ACIN1: variants seen among roughly 807,000 people sequenced by gnomAD.
ACIN1 encodes the protein apoptotic chromatin condensation inducer in the nucleus.
Under a neutral mutation model 146.6 loss-of-function variants are expected in ACIN1, and 16 were observed. The ratio of observed to expected loss-of-function variants is 0.11; its 90% CI spans 0.07 to 0.17. ACIN1 has a LOEUF of 0.17. Among genes scored for constraint, ACIN1 ranks in the 10% least tolerant of loss-of-function variants. The pLI is 1.00. For synonymous variants in ACIN1, 569 were observed against 582.7 expected (o/e 0.98, Z 0.34); for missense variants, 1,357 against 1,609.3 (o/e 0.84, Z 2.68).
chr14:23,062,676 G>T, intron 14 of ACIN1, 153 bp from the exon 15 acceptor site: 1 of 796,150 alleles, frequency 1.3e-6, no homozygotes, highest in Non-Finnish European at 2.0e-6. Context: ...TGAGAAGAGT[G>T]GTGGTGCTTC....
intron 4 of ACIN1, among the ~76,000 whole-genome samples, chr14:23,085,375 T>C (rs1226634482): frequency 6.6e-6 from 1 of 152,010 alleles, no homozygotes; most frequent in African/African-American, 2.4e-5. Flanking sequence ...CAAAGTCAAA[T>C]AACTGAGTTG....
At position 23,065,979 on chromosome 14, in the gene ACIN1, C is replaced by T; in HGVS notation, c.2295G>A (p.Lys765=). ...ESSLPKSFKR[K]ISVVSATKGV... ...GGCTGGACTTACAGACAACGGAGAT[C>T]TTCCTCTTGAATGATTTGGGCAGCG... The change falls in exon 10 of 19, where the codon AAG becomes AAA. Residue 765 remains lysine (K), a synonymous_variant. Transcript: ENST00000605057. 1 of 1,613,772 alleles carries T rather than the reference C, an allele frequency of 6.2e-7. No individual in the cohort carries two copies. The highest frequency in any genetic ancestry group is 8.5e-7 in the Non-Finnish European group (1 of 1,179,890).
Position 23,059,471 on chromosome 14 carries a change from C to G in ACIN1, c.3529G>C (p.Val1177Leu). Residue 1177 changes from valine (V) to leucine (L), a missense_variant, in exon 19 of 19, where the codon GTT (valine) becomes CTT (leucine). Val to Leu is a conservative substitution (Grantham distance 32). Coordinates refer to ENST00000605057, the MANE Select transcript of ACIN1 (RefSeq NM_001386863.1). Reference sequence around the variant, plus strand: ...TCGGCCCGCTCTGCCTCTTTCTGAACGATCTGTAGCCAGGTAGGAAAGGCA... The same window carrying G: ...TCGGCCCGCTCTGCCTCTTTCTGAAGGATCTGTAGCCAGGTAGGAAAGGCA... ...YWLPLTDSQIVQKEAERAERA... is the reference protein window; with the variant it reads ...YWLPLTDSQILQKEAERAERA... The G allele has an allele frequency of 6.2e-7, 1 of 1,613,356 alleles. No individual in the cohort carries two copies. Among genetic ancestry groups the G allele is most frequent in the Non-Finnish European group, 8.5e-7 (1 of 1,179,750 alleles).
intron 6 of ACIN1, among the ~76,000 whole-genome samples, chr14:23,079,283 C>T (rs934274137): frequency 6.6e-6 from 1 of 152,180 alleles, no homozygotes; most frequent in Non-Finnish European, 1.5e-5. Context: ...ATGCCCACAT[C>T]CTCAAGAAGT....
intron 8 of ACIN1, among the ~76,000 whole-genome samples, chr14:23,074,334 G>A (rs1354876183): frequency 6.6e-6 from 1 of 151,898 alleles, no homozygotes; most frequent in Non-Finnish European, 1.5e-5. Flanking sequence ...GGGAGGCTGA[G>A]ACAGGAGGAC....
In ACIN1 at chr14:23,067,729, T is replaced by G; in HGVS notation, c.2266-1721A>C. 2.0e-6 allele frequency: 2 copies of G among 985,836 alleles called. No individual in the cohort carries two copies. Among genetic ancestry groups the G allele is most frequent in the Non-Finnish European group, 2.4e-6 (2 of 830,010 alleles). The allele number at this position is 985,836 out of a possible 1,614,324, so 61.1% of individuals were successfully genotyped here. A position where few individuals can be genotyped will look rare whatever the true frequency, so the allele number is the denominator to read the frequency against. The stretch of plus-strand genomic sequence containing the variant: ...GCAGGCAGGACCCTATGTCCACCAG[T>G]GGCAAGCTGCAGCAATAACACCACC... On this transcript the variant is annotated intron_variant, in intron 9 of 18. Coordinates refer to ENST00000605057, the MANE Select transcript of ACIN1 (RefSeq NM_001386863.1). This position sits in a 1 kb window ranked among gnomAD's most constrained non-coding sequence, Gnocchi z 4.6.
Position 23,059,099 on chromosome 14 carries a change from A to AC in ACIN1, c.*48dup, listed in dbSNP as rs2047183731. On this transcript the variant is annotated 3_prime_UTR_variant, in exon 19 of 19. Coordinates refer to ENST00000605057, the MANE Select transcript of ACIN1 (RefSeq NM_001386863.1). ...CTGTGCCTATCCCTCTGTGGCCATA[A>AC]CCCCCTGGGGCCGAGTGGCTGGTAC... is the stretch of plus-strand genomic sequence containing the variant. 1.3e-6 allele frequency: 2 copies of AC among 1,579,754 alleles called. No homozygotes were observed. The highest frequency in any genetic ancestry group is 1.7e-6 in the Non-Finnish European group (2 of 1,157,710).
In ACIN1 at chr14:23,067,511, G is replaced by GGGGGGGGGC; in HGVS notation, c.2266-1504_2266-1503insGCCCCCCCC. 4 of 221,684 alleles carry GGGGGGGGGC rather than the reference G, an allele frequency of 1.8e-5. No individual in the cohort carries two copies. The highest frequency in any genetic ancestry group is 2.9e-5 in the Non-Finnish European group (4 of 137,218). 13.7% of individuals were successfully genotyped at this position (221,684 alleles called of 1,614,324 possible). On this transcript the variant is annotated intron_variant, in intron 9 of 18. Coordinates refer to ENST00000605057, the MANE Select transcript of ACIN1 (RefSeq NM_001386863.1). This position sits in a 1 kb window ranked among gnomAD's most constrained non-coding sequence, Gnocchi z 4.6. ...CCAGGGGCGCAGGGGGGGCGGGAGG[G>GGGGGGGGGC]AAACGTGTGGGGGGACGCTGCCCAG... is the stretch of plus-strand genomic sequence containing the variant.
Position 23,059,274 on chromosome 14 carries a change from C to T in ACIN1, c.3726G>A (p.Gly1242=). The change falls in exon 19 of 19, where the codon GGG becomes GGA. Residue 1242 remains glycine (G), a synonymous_variant. Coordinates refer to ENST00000605057, the MANE Select transcript of ACIN1 (RefSeq NM_001386863.1). ...CCCTTTCCCTATCCCGATCTCGGTC[C>T]CCCCTGTCCCGCTCCCTTTCTCTCT... ...ERERERERDR[G]DRDRDRERDR... 3 of 1,606,712 alleles carry T rather than the reference C, an allele frequency of 1.9e-6. No individual in the cohort carries two copies. Among genetic ancestry groups the T allele is most frequent in the South Asian group, 2.2e-5 (2 of 90,954 alleles).
At position 23,068,425 on chromosome 14, in the gene ACIN1, T is replaced by C. The variant is rs1594753104; in HGVS notation, c.2265+1051A>G. The C allele has an allele frequency of 1.0e-6, 1 of 985,886 alleles. No homozygotes were observed. Among genetic ancestry groups the C allele is most frequent in the East Asian group, 1.1e-4 (1 of 8,816 alleles). The allele number at this position is 985,886 out of a possible 1,614,324, so 61.1% of individuals were successfully genotyped here. A position where few individuals can be genotyped will look rare whatever the true frequency, so the allele number is the denominator to read the frequency against. On this transcript the variant is annotated intron_variant, in intron 9 of 18. Transcript: ENST00000605057. This position sits in a 1 kb window ranked among gnomAD's most constrained non-coding sequence, Gnocchi z 4.3. Reference sequence around the variant, plus strand: ...CCCTTTCCAAATGTTTTTTGCTTGCTCAATACAAGTCTCTCCAGAACAGTG... The same window carrying C: ...CCCTTTCCAAATGTTTTTTGCTTGCCCAATACAAGTCTCTCCAGAACAGTG...
rs903479233 is a variant in ACIN1 at position 23,069,167 on chromosome 14, C to T, written c.2265+309G>A. ...TACCACCAGGAGAAGCTTGGGAAGA[C>T]AGCAGGAAAAGCTGAACATAAATCT... On this transcript the variant is annotated intron_variant, in intron 9 of 18. Coordinates refer to ENST00000605057, the MANE Select transcript of ACIN1 (RefSeq NM_001386863.1). The T allele has an allele frequency of 3.8e-6, 4 of 1,063,212 alleles. No homozygotes were observed. In the African/African-American group the frequency reaches 6.7e-5, roughly 18 times the overall value. 65.9% of individuals were successfully genotyped at this position (1,063,212 alleles called of 1,614,324 possible).
intron 8 of ACIN1, chr14:23,071,271 A>T: frequency 1.0e-5 from 15 of 1,505,864 alleles, no homozygotes; most frequent in Non-Finnish European, 1.3e-5. Context: ...TTGTTCCAAG[A>T]TCCCACCACC....
chr14:23,094,690 A>T, intron 1 of ACIN1: 1 of 677,476 alleles, frequency 1.5e-6, no homozygotes, highest in Non-Finnish European at 2.2e-6. Context: ...AACCACAGAT[A>T]CAAACAAGGA....
chr14:23,077,989 G>T, intron 8 of ACIN1, 162 bp downstream of exon 8: 1 of 605,324 alleles, frequency 1.7e-6, no homozygotes, highest in East Asian at 3.1e-5. Context: ...AAAGGTGGCA[G>T]CTCCCAACAT....
At chr14:23,093,306 T>G (rs1442779551) in intron 2 of ACIN1, among the ~76,000 whole-genome samples, 173 bp downstream of exon 2, 5 of 152,248 alleles carry the variant, frequency 3.3e-5, no homozygotes, top group Non-Finnish European at 7.3e-5. Flanking sequence ...TCCAGGCCCT[T>G]GTATACAACT....
intron 8 of ACIN1, among the ~76,000 whole-genome samples, chr14:23,073,324 A>G (rs995727463): frequency 4.6e-5 from 7 of 152,264 alleles, no homozygotes; most frequent in African/African-American, 1.7e-4. Flanking sequence ...TTAGGGTGTC[A>G]TTGTGGGTAC....
chr14:23,078,106 C>A, intron 8 of ACIN1, 45 bp downstream of exon 8: 2 of 1,560,906 alleles, frequency 1.3e-6, no homozygotes, highest in Non-Finnish European at 8.8e-7. Context: ...AACTATCGCA[C>A]ACTCATAGTT....
At chr14:23,063,915 T>C (rs755877091) in intron 12 of ACIN1, among the ~76,000 whole-genome samples, 190 bp downstream of exon 12, 6 of 152,208 alleles carry the variant, frequency 3.9e-5, no homozygotes, top group Non-Finnish European at 7.3e-5. Flanking sequence ...GTGGTTGTGT[T>C]CCAATCAAAC....
chr14:23,066,141 G>A, intron 9 of ACIN1, 133 bp from the exon 10 acceptor site: 1 of 665,800 alleles, frequency 1.5e-6, no homozygotes, highest in Non-Finnish European at 2.5e-6. Context: ...GAGACAGAGA[G>A]AGACACAGAG....
Sources: allele counts gnomAD v4.1 joint callset (sites outside exome capture counted in the v4.1 genomes callset), GRCh38; gene constraint gnomAD v4.1.1; non-coding constraint Gnocchi (gnomAD v3.1); transcripts MANE v1.5; gene names NCBI Gene and HGNC (gene_info 2026-07-23, HGNC 2026-07-21).